ULK4: variants seen among roughly 807,000 people sequenced by gnomAD.
ULK4 encodes the protein inactive serine/threonine-protein kinase ULK4.
Under a neutral mutation model 160.6 loss-of-function variants are expected in ULK4, and 133 were observed. The observed-to-expected ratio is 0.83, with a 90% CI of 0.72 to 0.96. ULK4 has a LOEUF of 0.96. Ranked by LOEUF, ULK4 falls within the 40% of genes least tolerant of loss-of-function variation. The pLI is 0.00. For missense variants in ULK4, 1,580 were observed against 1,499.5 expected (o/e 1.05, Z -0.89); for synonymous variants, 534 against 539.8 (o/e 0.99, Z 0.15).
intron 17 of ULK4, among the ~76,000 whole-genome samples, chr3:41,882,802 C>T (rs1716996): frequency 0.75 from 113,799 of 151,968 alleles, 43,702 homozygotes; most frequent in East Asian, 0.83. Context: ...CTCCATCTCA[C>T]TGGAGACCTT....
intron 34 of ULK4, among the ~76,000 whole-genome samples, chr3:41,441,231 T>A (rs2083159782): frequency 3.9e-5 from 6 of 152,086 alleles, no homozygotes; most frequent in Admixed American, 3.9e-4. Context: ...AGGTAGAAAC[T>A]AAGGTAATTG....
At chr3:41,268,410 C>T (rs2079080762) in intron 35 of ULK4, among the ~76,000 whole-genome samples, 1 of 152,172 alleles carries the variant, frequency 6.6e-6, no homozygotes, top group Admixed American at 6.5e-5. Flanking sequence ...GTACTTGGGT[C>T]AGTGGCTATC....
chr3:41,767,742 G>T (rs2039214783), intron 21 of ULK4, among the ~76,000 whole-genome samples: 1 of 152,098 alleles, frequency 6.6e-6, no homozygotes, highest in African/African-American at 2.4e-5. Context: ...CAGCTGGTAG[G>T]AAAGTATGTA....
At chr3:41,597,466 C>A (rs2031767077) in intron 31 of ULK4, among the ~76,000 whole-genome samples, 2 of 152,150 alleles carry the variant, frequency 1.3e-5, no homozygotes, top group South Asian at 4.1e-4. Flanking sequence ...CCTCTCTCTC[C>A]ACCTCCGCAT....
intron 30 of ULK4, among the ~76,000 whole-genome samples, chr3:41,658,311 T>C (rs2035016257): frequency 6.6e-6 from 1 of 152,226 alleles, no homozygotes; most frequent in Admixed American, 6.5e-5. Flanking sequence ...GATGCCAGTG[T>C]CTAGCCCTAG....
intron 19 of ULK4, among the ~76,000 whole-genome samples, chr3:41,807,051 C>T (rs552078625): frequency 6.6e-6 from 1 of 152,058 alleles, no homozygotes; most frequent in Non-Finnish European, 1.5e-5. Flanking sequence ...TGGCTTGATC[C>T]CAGGAGGCAG....
chr3:41,652,631 G>A (rs566933947), intron 30 of ULK4, among the ~76,000 whole-genome samples: 11 of 152,302 alleles, frequency 7.2e-5, no homozygotes, highest in South Asian at 6.2e-4. Flanking sequence ...CAAGAGCAAC[G>A]CAGTAGTGAA....
intron 35 of ULK4, among the ~76,000 whole-genome samples, chr3:41,259,448 G>T (rs1003211613): frequency 4.6e-5 from 7 of 152,204 alleles, no homozygotes; most frequent in African/African-American, 1.7e-4. Context: ...TCTTCAGTTT[G>T]CAGGAGAGGA....
chr3:41,252,445 A>G (rs557577644), intron 35 of ULK4, among the ~76,000 whole-genome samples: 1 of 152,310 alleles, frequency 6.6e-6, no homozygotes, highest in Admixed American at 6.5e-5. Context: ...AGCAAAGAAG[A>G]ACCAAATGAG....
intron 35 of ULK4, among the ~76,000 whole-genome samples, chr3:41,394,621 CT>C (rs2082019066): frequency 6.6e-6 from 1 of 152,100 alleles, no homozygotes; most frequent in Non-Finnish European, 1.5e-5. Context: ...TTGAAATATA[CT>C]TTCTGCTAAA....
chr3:41,514,222 G>A (rs1575338026), intron 32 of ULK4, among the ~76,000 whole-genome samples: 1 of 152,150 alleles, frequency 6.6e-6, no homozygotes, highest in Non-Finnish European at 1.5e-5. Flanking sequence ...ACAGAGAACT[G>A]AGCCCAGTTA....
intron 16 of ULK4, among the ~76,000 whole-genome samples, chr3:41,888,468 G>A (rs1716660): frequency 0.68 from 103,838 of 152,044 alleles, 39,099 homozygotes; most frequent in East Asian, 0.83. Flanking sequence ...GTAGACAGAC[G>A]TTCCCAAGGA....
chr3:41,762,686 A>C (rs1011775259), intron 21 of ULK4, among the ~76,000 whole-genome samples: 1 of 132,904 alleles, frequency 7.5e-6, no homozygotes, highest in Non-Finnish European at 1.6e-5. Context: ...TTTTTGAGAC[A>C]GAGTCTCGCT....
Position 41,907,902 on chromosome 3 carries a change from T to G in ULK4, c.1125A>C (p.Val375=), listed in dbSNP as rs761419210. Residue 375 remains valine, a synonymous_variant, in exon 12 of 37, where the codon GTA becomes GTC. Transcript: ENST00000301831. The part of the protein sequence containing the change: ...PTPRTSTAVE[V]SPGEDMTHCS... Reference sequence around the variant, plus strand: ...AGTGAGTCATATCCTCACCAGGACTTACTTCCACTGCAGTGCTAGTTCTGG... The same window carrying G: ...AGTGAGTCATATCCTCACCAGGACTGACTTCCACTGCAGTGCTAGTTCTGG... 1.9e-6 allele frequency: 3 copies of G among 1,606,850 alleles called. No individual in the cohort carries two copies. Among genetic ancestry groups the G allele is most frequent in the South Asian group, 1.1e-5 (1 of 89,836 alleles).
intron 34 of ULK4, among the ~76,000 whole-genome samples, chr3:41,429,707 G>C (rs780282872): frequency 6.6e-6 from 1 of 151,920 alleles, no homozygotes; most frequent in Non-Finnish European, 1.5e-5. Flanking sequence ...CATGGACAAT[G>C]GGAGAGGAAC....
chr3:41,770,844 G>A (rs2039332410), intron 21 of ULK4, among the ~76,000 whole-genome samples: 1 of 152,080 alleles, frequency 6.6e-6, no homozygotes, highest in African/African-American at 2.4e-5. Flanking sequence ...TAAGTAAATA[G>A]GGTAAAGGAG....
At chr3:41,483,721 A>G (rs1419208942) in intron 32 of ULK4, among the ~76,000 whole-genome samples, 1 of 152,176 alleles carries the variant, frequency 6.6e-6, no homozygotes, top group African/African-American at 2.4e-5. Context: ...TACATGGGAA[A>G]AGGGACTTTG....
intron 34 of ULK4, among the ~76,000 whole-genome samples, chr3:41,441,461 T>A (rs1402653866): frequency 6.6e-6 from 1 of 152,086 alleles, no homozygotes; most frequent in Non-Finnish European, 1.5e-5. Context: ...CTTTTTTAAA[T>A]TGGCTTTTAA....
chr3:41,582,372 A>C (rs1352876206), intron 31 of ULK4, among the ~76,000 whole-genome samples: 1 of 152,190 alleles, frequency 6.6e-6, no homozygotes, highest in Non-Finnish European at 1.5e-5. Flanking sequence ...ACAGACTAAT[A>C]CACTCGGTTA....
Sources: allele counts gnomAD v4.1 joint callset (sites outside exome capture counted in the v4.1 genomes callset), GRCh38; gene constraint gnomAD v4.1.1; transcripts MANE v1.5; gene names NCBI Gene and HGNC (gene_info 2026-07-23, HGNC 2026-07-21).